ODAD2: variants seen among roughly 807,000 people sequenced by gnomAD.
ODAD2 encodes outer dynein arm docking complex subunit 2.
In ODAD2, 89 loss-of-function variants were observed where a neutral mutation model predicts 106.8. The observed-to-expected ratio is 0.83, with a 90% CI of 0.70 to 0.99. ODAD2 has a LOEUF of 0.99. Among genes scored for constraint, ODAD2 ranks in the 50% least tolerant of loss-of-function variants. ODAD2 has a pLI of 0.00. For synonymous variants in ODAD2, 404 were observed against 436.2 expected (o/e 0.93, Z 0.92); for missense variants, 1,168 against 1,238.5 (o/e 0.94, Z 0.85).
At chr10:27,896,252 C>A (rs1314160598) in intron 17 of ODAD2, among the ~76,000 whole-genome samples, 16 of 152,240 alleles carry the variant, frequency 1.1e-4, no homozygotes, top group Non-Finnish European at 1.5e-5. Context: ...TTCCTTATTA[C>A]CTAATCATAA....
intron 3 of ODAD2, 92 bp from the exon 4 acceptor site, chr10:27,985,303 A>G (rs1849813267): frequency 2.9e-6 from 3 of 1,046,300 alleles, no homozygotes; most frequent in Non-Finnish European, 4.0e-6. Context: ...TTCAAAGTCC[A>G]TTCAGACGTG....
chr10:27,905,729 T>C (rs1282995808), intron 17 of ODAD2, among the ~76,000 whole-genome samples: 1 of 152,204 alleles, frequency 6.6e-6, no homozygotes, highest in Non-Finnish European at 1.5e-5. Context: ...TACAACCATC[T>C]GATCTTTGAC....
chr10:27,868,747 T>C (rs1291653677), intron 17 of ODAD2, among the ~76,000 whole-genome samples: 6 of 152,060 alleles, frequency 3.9e-5, no homozygotes, highest in Admixed American at 6.6e-5. Flanking sequence ...ACCTAGGTGA[T>C]GGGTTAATAG....
chr10:27,958,002 A>G (rs1847850696), intron 10 of ODAD2, among the ~76,000 whole-genome samples: 1 of 152,252 alleles, frequency 6.6e-6, no homozygotes, highest in African/African-American at 2.4e-5. Context: ...ACCTAGAGAC[A>G]TTCAATTTTG....
intron 1 of ODAD2, 96 bp downstream of exon 1, chr10:27,998,898 G>A (rs1332543601): frequency 1.3e-5 from 2 of 153,100 alleles, no homozygotes; most frequent in African/African-American, 4.8e-5. Flanking sequence ...GCGCCCTTGT[G>A]GGAGGCCTAC....
chr10:27,957,250 T>C (rs899311281), intron 10 of ODAD2: 1 of 152,090 alleles, frequency 6.6e-6, no homozygotes, highest in African/African-American at 2.4e-5. Flanking sequence ...GGAAAGAAGT[T>C]AACAGCAGAA....
intron 16 of ODAD2, among the ~76,000 whole-genome samples, chr10:27,934,666 G>A (rs111754152): frequency 2.0e-5 from 3 of 152,078 alleles, no homozygotes; most frequent in African/African-American, 7.2e-5. Context: ...AGGCTACTAT[G>A]AGAATGTACC....
chr10:27,886,043 C>G (rs1013353445), intron 17 of ODAD2, among the ~76,000 whole-genome samples: 7 of 147,760 alleles, frequency 4.7e-5, no homozygotes, highest in Non-Finnish European at 8.9e-5. Flanking sequence ...TTGAAATTAT[C>G]AAGTCTGGAA....
intron 2 of ODAD2, among the ~76,000 whole-genome samples, chr10:27,992,150 TC>T (rs1169024316): frequency 6.6e-6 from 1 of 152,164 alleles, no homozygotes; most frequent in Non-Finnish European, 1.5e-5. Flanking sequence ...CACTTTGCCT[TC>T]TTCAAGGCAC....
chr10:27,886,642 C>T (rs941837714), intron 17 of ODAD2, among the ~76,000 whole-genome samples: 2 of 152,070 alleles, frequency 1.3e-5, no homozygotes, highest in Admixed American at 1.3e-4. Context: ...TTTGTAACTC[C>T]ACTTTTTATT....
Position 27,970,860 on chromosome 10 carries a change from T to C in ODAD2, c.1142+248A>G, listed in dbSNP as rs545844276. 1.1e-4 allele frequency among the ~76,000 whole-genome samples: 17 copies of C among 152,080 alleles called. No individual in the cohort carries two copies. The South Asian group carries it at 3.3e-3, about 30-fold the overall frequency. On this transcript the variant is annotated intron_variant, in intron 8 of 19. Coordinates refer to ENST00000305242, the MANE Select transcript of ODAD2 (RefSeq NM_018076.5). ...GGTGGCATGTGCCTGTAATCCCAGCTACTCAGGAGGCTGAGGCAGGAGAAT... is the reference window on the plus strand; with the variant it reads ...GGTGGCATGTGCCTGTAATCCCAGCCACTCAGGAGGCTGAGGCAGGAGAAT...
chr10:27,940,880 T>G (rs2132580310), intron 12 of ODAD2, 75 bp from the exon 13 acceptor site: 1 of 1,460,974 alleles, frequency 6.8e-7, no homozygotes, highest in Non-Finnish European at 9.3e-7. Flanking sequence ...ATAGCTACAG[T>G]GTTCCTTACC....
intron 17 of ODAD2, among the ~76,000 whole-genome samples, chr10:27,888,792 A>G (rs988832964): frequency 6.6e-6 from 1 of 152,202 alleles, no homozygotes; most frequent in Non-Finnish European, 1.5e-5. Context: ...AAGGGTGTCA[A>G]AACTATTCAA....
At chr10:27,872,977 CT>C (rs2044439794) in intron 17 of ODAD2, among the ~76,000 whole-genome samples, 1 of 152,062 alleles carries the variant, frequency 6.6e-6, no homozygotes, top group South Asian at 2.1e-4. Flanking sequence ...CTATGAATCC[CT>C]CTGATCCTGG....
At chr10:27,812,994 T>C (rs1256484500) in intron 19 of ODAD2, among the ~76,000 whole-genome samples, 5 of 152,162 alleles carry the variant, frequency 3.3e-5, no homozygotes, top group African/African-American at 1.2e-4. Flanking sequence ...AGGTTTAATC[T>C]CTCTGAGTTC....
chr10:27,971,753 A>T (rs1848879476), intron 7 of ODAD2, among the ~76,000 whole-genome samples: 1 of 152,198 alleles, frequency 6.6e-6, no homozygotes, highest in Non-Finnish European at 1.5e-5. Context: ...AAGAAAAGAG[A>T]GTAATATCTT....
intron 19 of ODAD2, among the ~76,000 whole-genome samples, chr10:27,822,447 C>T (rs1836687516): frequency 6.6e-6 from 1 of 152,106 alleles, no homozygotes; most frequent in African/African-American, 2.4e-5. Flanking sequence ...AACTGGGAAC[C>T]CTTCTGACAT....
chr10:27,949,283 TA>T (rs1847162094), intron 10 of ODAD2, among the ~76,000 whole-genome samples: 1 of 152,178 alleles, frequency 6.6e-6, no homozygotes, highest in Non-Finnish European at 1.5e-5. Flanking sequence ...ATGAAGCTTA[TA>T]ATGTAGTGGA....
At chr10:27,877,634 C>CCAAATTA (rs1841433175) in intron 17 of ODAD2, among the ~76,000 whole-genome samples, 1 of 152,126 alleles carries the variant, frequency 6.6e-6, no homozygotes, top group African/African-American at 2.4e-5. Context: ...AGTAATTATT[C>CCAAATTA]TGCCAAAACT....
Sources: allele counts gnomAD v4.1 joint callset (sites outside exome capture counted in the v4.1 genomes callset), GRCh38; gene constraint gnomAD v4.1.1; transcripts MANE v1.5; gene names NCBI Gene and HGNC (gene_info 2026-07-23, HGNC 2026-07-21).